The following BAIAP2L2 variants were observed in gnomAD, a reference collection of about 807,000 sequenced individuals.
The protein encoded by BAIAP2L2 is BAR/IMD domain containing adaptor protein 2 like 2.
BAIAP2L2 carries 65 observed loss-of-function variants against 60.4 expected under a neutral mutation model. The observed-to-expected ratio is 1.08, with a 90% CI of 0.88 to 1.32. BAIAP2L2 has a LOEUF of 1.32. Ranked by LOEUF, BAIAP2L2 falls within the 40% of genes most tolerant of loss-of-function variation. The pLI is 0.00. For missense variants in BAIAP2L2, 836 were observed against 741.2 expected (o/e 1.13, Z -1.48); for synonymous variants, 344 against 301.7 (o/e 1.14, Z -1.45).
At chr22:38,102,775 C>T (rs770585192) in intron 4 of BAIAP2L2, among the ~76,000 whole-genome samples, 13 of 151,800 alleles carry the variant, frequency 8.6e-5, no homozygotes, top group Non-Finnish European at 1.5e-4. Context: ...TGCGGTGGCT[C>T]ACACCTGTAA....
Position 38,084,944 on chromosome 22 carries a change from CAG to C in BAIAP2L2, c.*354_*355del, listed in dbSNP as rs2086005150. The C allele has an allele frequency of 5.8e-5, 14 of 241,772 alleles. No homozygotes were observed. In the South Asian group the frequency reaches 8.4e-4, roughly 14 times the overall value. 15.0% of individuals were successfully genotyped at this position (241,772 alleles called of 1,614,324 possible). A position where few individuals can be genotyped will look rare whatever the true frequency, so the allele number is the denominator to read the frequency against. On this transcript the variant is annotated 3_prime_UTR_variant, in exon 14 of 14. Transcript: ENST00000381669. Reference sequence around the variant, plus strand: ...TTTCTCATCATTTACAAAAGATGTACAGAGAGGGCATGTGTTGGGCACGGAGC... The same window carrying C: ...TTTCTCATCATTTACAAAAGATGTACAGAGGGCATGTGTTGGGCACGGAGC...
In BAIAP2L2 at chr22:38,102,277, G is replaced by A. The variant is rs112714366; in HGVS notation, c.277-3795C>T. 1.3e-3 allele frequency among the ~76,000 whole-genome samples: 205 copies of A among 152,250 alleles called. 1 individual carries two copies. The highest frequency in any genetic ancestry group is 4.8e-3 in the African/African-American group (200 of 41,522). ...GGGCCCATGTGGAGGAGAGAATGCCGTGAGGAGGATCAAAATCAGGAACAA... is the reference window on the plus strand; with the variant it reads ...GGGCCCATGTGGAGGAGAGAATGCCATGAGGAGGATCAAAATCAGGAACAA... On this transcript the variant is annotated intron_variant, in intron 4 of 13. Transcript: ENST00000381669.
intron 13 of BAIAP2L2, 50 bp downstream of exon 13, chr22:38,085,636 G>C (rs13058731): frequency 6.3e-7 from 1 of 1,586,290 alleles, no homozygotes; most frequent in East Asian, 2.2e-5. Context: ...AGTGTGTGCC[G>C]CCGCACCTGC....
chr22:38,109,113 T>C lies in BAIAP2L2; in HGVS notation c.127+20A>G. ...GCAGAGGCCCAGGGCTGGGGCTCGGTGGCCCGGGCAGGCACTCACCGTGGA... is the reference window on the plus strand; with the variant it reads ...GCAGAGGCCCAGGGCTGGGGCTCGGCGGCCCGGGCAGGCACTCACCGTGGA... On this transcript the variant is annotated intron_variant, in intron 2 of 13. Transcript: ENST00000381669. The C allele has an allele frequency of 1.2e-6, 2 of 1,600,268 alleles. No homozygotes were observed. Among genetic ancestry groups the C allele is most frequent in the Non-Finnish European group, 1.7e-6 (2 of 1,169,830 alleles).
At chr22:38,109,262 G>T in intron 1 of BAIAP2L2, 54 bp from the exon 2 acceptor site, 1 of 1,427,354 alleles carries the variant, frequency 7.0e-7, no homozygotes. Flanking sequence ...GAGCGAGAAG[G>T]AACCACGGAT....
intron 7 of BAIAP2L2, among the ~76,000 whole-genome samples, chr22:38,094,485 C>T (rs760054710): frequency 5.3e-5 from 8 of 152,044 alleles, no homozygotes; most frequent in Admixed American, 2.0e-4. Context: ...CGCGCCTGGC[C>T]GAGGTACTGG....
intron 4 of BAIAP2L2, among the ~76,000 whole-genome samples, chr22:38,106,556 C>A (rs2086668836): frequency 6.7e-6 from 1 of 149,608 alleles, no homozygotes; most frequent in East Asian, 2.0e-4. Flanking sequence ...AAAGATTGTT[C>A]CCCATGCCCA....
At position 38,108,249 on chromosome 22, in the gene BAIAP2L2, C is replaced by T. The variant is rs775650486; in HGVS notation, c.214+6G>A. The T allele has an allele frequency of 1.6e-5, 26 of 1,611,280 alleles. No individual in the cohort carries two copies. In the South Asian group the frequency reaches 2.5e-4, roughly 16 times the overall value. On this transcript the variant is annotated splice_donor_region_variant and intron_variant, in intron 3 of 13. Transcript: ENST00000381669. Reference sequence around the variant, plus strand: ...AATGGGGTCTGCTGTGGAGGGGGAGCCTCACCCAGAATCTGTGAGGTGGGG... The same window carrying T: ...AATGGGGTCTGCTGTGGAGGGGGAGTCTCACCCAGAATCTGTGAGGTGGGG...
At chr22:38,092,219 G>C (rs772172371) in intron 7 of BAIAP2L2, among the ~76,000 whole-genome samples, 53 of 152,222 alleles carry the variant, frequency 3.5e-4, no homozygotes, top group Admixed American at 2.0e-4. Flanking sequence ...AGATGAATAA[G>C]AAAGACAATT....
chr22:38,087,360 A>C, intron 10 of BAIAP2L2, 96 bp from the exon 11 acceptor site: 1 of 1,420,804 alleles, frequency 7.0e-7, no homozygotes, highest in South Asian at 1.3e-5. Flanking sequence ...ACTGGAAGCT[A>C]CTTCACCTCG....
At chr22:38,086,585 A>G (rs2086081059) in intron 11 of BAIAP2L2, 136 bp from the exon 12 acceptor site, 2 of 677,482 alleles carry the variant, frequency 3.0e-6, no homozygotes, top group South Asian at 4.1e-5. Context: ...GAGACTGTTG[A>G]CCGGAGGGAG....
At position 38,110,601 on chromosome 22, in the gene BAIAP2L2, TCCCTCAGGTGCCCAC is replaced by T; in HGVS notation, c.-91_-77del. The T allele has an allele frequency of 7.8e-7, 1 of 1,276,660 alleles. No individual in the cohort carries two copies. Among genetic ancestry groups the T allele is most frequent in the Non-Finnish European group, 1.1e-6 (1 of 917,370 alleles). 79.1% of individuals were successfully genotyped at this position (1,276,660 alleles called of 1,614,324 possible). On this transcript the variant is annotated 5_prime_UTR_variant, in exon 1 of 14. Transcript: ENST00000381669. Reference sequence around the variant, plus strand: ...CACAGCCGGGAGCAGTGGTAGGTAGTCCCTCAGGTGCCCACGACTCAGCTGGCAGCGAGGAAGCCT... The same window carrying T: ...CACAGCCGGGAGCAGTGGTAGGTAGTGACTCAGCTGGCAGCGAGGAAGCCT...
chr22:38,099,760 C>A (rs547074124), intron 4 of BAIAP2L2, among the ~76,000 whole-genome samples: 1 of 152,292 alleles, frequency 6.6e-6, no homozygotes, highest in African/African-American at 2.4e-5. Flanking sequence ...GCGGACACGT[C>A]CTCCTCTGGA....
intron 10 of BAIAP2L2, 32 bp downstream of exon 10, chr22:38,088,716 C>CGTGG: frequency 3.4e-6 from 4 of 1,159,986 alleles, no homozygotes; most frequent in African/African-American, 1.5e-5. Context: ...TCTTCTCAAC[C>CGTGG]CACCCCCGGC....
rs556184030 is a variant in BAIAP2L2, at chr22:38,097,967, G to T, written c.465+96C>A. 3.6e-5 allele frequency: 42 copies of T among 1,153,558 alleles called. No individual in the cohort carries two copies. The East Asian group carries it at 9.4e-4, about 26-fold the overall frequency. The allele number at this position is 1,153,558 out of a possible 1,614,324, so 71.5% of individuals were successfully genotyped here. On this transcript the variant is annotated intron_variant, in intron 6 of 13. Coordinates refer to ENST00000381669, the MANE Select transcript of BAIAP2L2 (RefSeq NM_025045.6). ...AGTTGGGCTGGTGCTCGGTGGGGGA[G>T]CTCAGGGAGGCGTTCGGGGTTCCCA...
chr22:38,101,186 C>A (rs1004860177), intron 4 of BAIAP2L2, among the ~76,000 whole-genome samples: 1 of 151,948 alleles, frequency 6.6e-6, no homozygotes, highest in Non-Finnish European at 1.5e-5. Context: ...AGTTTCAAAA[C>A]CTTCCTTCAT....
chr22:38,104,022 A>G (rs527686127), intron 4 of BAIAP2L2, among the ~76,000 whole-genome samples: 1 of 152,372 alleles, frequency 6.6e-6, no homozygotes, highest in African/African-American at 2.4e-5. Flanking sequence ...TAGTAAAAAC[A>G]TAAAGTTAAT....
At chr22:38,107,502 G>C (rs918485077) in intron 4 of BAIAP2L2, among the ~76,000 whole-genome samples, 1 of 152,104 alleles carries the variant, frequency 6.6e-6, no homozygotes, top group African/African-American at 2.4e-5. Context: ...GGAGTGACAT[G>C]GTCAGGTCCA....
At chr22:38,101,618 C>T (rs541631658) in intron 4 of BAIAP2L2, among the ~76,000 whole-genome samples, 106 of 147,764 alleles carry the variant, frequency 7.2e-4, no homozygotes, top group Non-Finnish European at 1.1e-3. Flanking sequence ...CTTTGGAAGG[C>T]CAAGGTGTGT....
Sources: gnomAD v4.1 joint callset for allele counts (sites outside exome capture counted in the v4.1 genomes callset) on GRCh38, gnomAD v4.1.1 for gene constraint, MANE v1.5 for transcripts, NCBI Gene and HGNC (gene_info 2026-07-23, HGNC 2026-07-21) for gene names.